KHDRBS2: variants seen among roughly 807,000 people sequenced by gnomAD.
KHDRBS2 encodes KH domain-containing, RNA-binding, signal transduction-associated protein 2.
In KHDRBS2, 26 loss-of-function variants were observed where a neutral mutation model predicts 44.3. The observed-to-expected ratio is 0.59, with a 90% CI of 0.43 to 0.81. The LOEUF (loss-of-function observed/expected upper bound fraction) is 0.81, where lower values mean the gene tolerates loss of function less well. Among genes scored for constraint, KHDRBS2 ranks in the 40% least tolerant of loss-of-function variants. The pLI is 0.00. For synonymous variants in KHDRBS2, 194 were observed against 151.1 expected (o/e 1.28, Z -2.08); for missense variants, 476 against 433.1 (o/e 1.10, Z -0.88).
chr6:61,604,890 C>T, the KHDRBS2 span, among the ~76,000 whole-genome samples: 1 of 152,130 alleles, frequency 6.6e-6, no homozygotes, highest in Non-Finnish European at 1.5e-5. Flanking sequence ...TCTGGCCTGG[C>T]CTTCCCACCT....
chr6:62,045,306 G>A (rs1213303291), intron 3 of KHDRBS2, among the ~76,000 whole-genome samples: 1 of 151,924 alleles, frequency 6.6e-6, no homozygotes, highest in Non-Finnish European at 1.5e-5. Flanking sequence ...TTTAGATATA[G>A]CTATGGTTAT....
Position 62,100,992 on chromosome 6 carries a change from T to C in KHDRBS2, c.220-52998A>G, listed in dbSNP as rs534447603. On this transcript the variant is annotated intron_variant, in intron 2 of 8. Coordinates refer to ENST00000281156, the MANE Select transcript of KHDRBS2 (RefSeq NM_152688.4). ...AACACTCAGAGCAGTCCTCCAATAG[T>C]TTTACAGGCAGAAAATCTATCTCTA... Among the ~76,000 whole-genome samples, 13 of 152,276 alleles carry C rather than the reference T, an allele frequency of 8.5e-5. No homozygotes were observed. In the South Asian group the frequency reaches 2.5e-3, roughly 29 times the overall value.
At chr6:62,236,094 C>A (rs1397235768) in intron 1 of KHDRBS2, among the ~76,000 whole-genome samples, 1 of 152,016 alleles carries the variant, frequency 6.6e-6, no homozygotes, top group East Asian at 1.9e-4. Flanking sequence ...AAATAATTTT[C>A]TTGATTGCTA....
Position 61,946,257 on chromosome 6 carries a change from G to A in KHDRBS2, c.483+31809C>T, listed in dbSNP as rs187088830. 1.4e-3 allele frequency among the ~76,000 whole-genome samples: 206 copies of A among 152,184 alleles called. 1 individual carries two copies. The highest frequency in any genetic ancestry group is 4.7e-3 in the African/African-American group (194 of 41,520). On this transcript the variant is annotated intron_variant, in intron 4 of 8. Transcript: ENST00000281156. ...GGTCCACAATGAATTAATCACTCAG[G>A]TTACATTCTTTTAGCAATATCATAA... is the stretch of plus-strand genomic sequence containing the variant.
At chr6:61,983,702 AT>A (rs1243151801) in intron 3 of KHDRBS2, among the ~76,000 whole-genome samples, 1 of 152,188 alleles carries the variant, frequency 6.6e-6, no homozygotes, top group Admixed American at 6.5e-5. Flanking sequence ...GTCAGTTATC[AT>A]TATTGCTTCA....
chr6:61,893,837 A>G (rs1480905788), intron 6 of KHDRBS2, among the ~76,000 whole-genome samples: 1 of 152,236 alleles, frequency 6.6e-6, no homozygotes, highest in East Asian at 1.9e-4. Flanking sequence ...AACATGGCAT[A>G]TGTAAACATA....
At chr6:62,112,907 A>C (rs1443649463) in intron 2 of KHDRBS2, among the ~76,000 whole-genome samples, 1 of 152,142 alleles carries the variant, frequency 6.6e-6, no homozygotes, top group African/African-American at 2.4e-5. Flanking sequence ...AAAAACTAAA[A>C]TACACGCCAA....
intron 2 of KHDRBS2, among the ~76,000 whole-genome samples, chr6:62,069,327 T>C (rs1009171511): frequency 6.6e-6 from 1 of 151,758 alleles, no homozygotes; most frequent in Admixed American, 6.6e-5. Context: ...GAAAATATAT[T>C]TGTAGTATTT....
chr6:61,749,861 A>G (rs1228768446), intron 6 of KHDRBS2, among the ~76,000 whole-genome samples: 3 of 152,156 alleles, frequency 2.0e-5, no homozygotes, highest in Admixed American at 6.5e-5. Context: ...AAAAGGGAAA[A>G]AATCAGATCC....
intron 2 of KHDRBS2, among the ~76,000 whole-genome samples, chr6:62,060,844 T>C (rs1791652241): frequency 6.6e-6 from 1 of 151,876 alleles, no homozygotes; most frequent in Admixed American, 6.6e-5. Context: ...TCAAATCTGT[T>C]GATTAGATAT....
At chr6:62,048,355 A>G (rs1788210466) in intron 2 of KHDRBS2, among the ~76,000 whole-genome samples, 1 of 151,930 alleles carries the variant, frequency 6.6e-6, no homozygotes, top group South Asian at 2.1e-4. Context: ...CTCAAACTAT[A>G]TTATTGAAAT....
chr6:62,100,391 T>G (rs1456727443), intron 2 of KHDRBS2, among the ~76,000 whole-genome samples: 1 of 152,212 alleles, frequency 6.6e-6, no homozygotes, highest in Non-Finnish European at 1.5e-5. Context: ...TACATAAATT[T>G]AGTTGATAAA....
At chr6:62,229,460 T>C (rs1356468650) in intron 1 of KHDRBS2, among the ~76,000 whole-genome samples, 5 of 152,290 alleles carry the variant, frequency 3.3e-5, no homozygotes, top group Middle Eastern at 3.4e-3. Flanking sequence ...AGTCCCAGTG[T>C]TGGACATTGC....
downstream of KHDRBS2, among the ~76,000 whole-genome samples, chr6:61,679,665 G>A (rs1022822929): frequency 2.0e-5 from 3 of 152,066 alleles, no homozygotes; most frequent in African/African-American, 7.2e-5. Flanking sequence ...AGGTTGAATA[G>A]CAACAACTGG....
chr6:62,201,456 C>T (rs1826971789), intron 1 of KHDRBS2, among the ~76,000 whole-genome samples: 1 of 151,972 alleles, frequency 6.6e-6, no homozygotes, highest in African/African-American at 2.4e-5. Context: ...TATTTTATGA[C>T]TGTGCATAAA....
intron 6 of KHDRBS2, among the ~76,000 whole-genome samples, chr6:61,858,426 T>G (rs1796453561): frequency 6.6e-6 from 1 of 151,908 alleles, no homozygotes; most frequent in Non-Finnish European, 1.5e-5. Flanking sequence ...ATATTAGTTT[T>G]TTTCTGTATA....
intron 4 of KHDRBS2, among the ~76,000 whole-genome samples, chr6:61,977,657 A>G (rs1404792537): frequency 3.3e-5 from 5 of 152,020 alleles, no homozygotes; most frequent in Non-Finnish European, 1.5e-5. Context: ...TCAAATTATT[A>G]CATATCTGAT....
intron 6 of KHDRBS2, among the ~76,000 whole-genome samples, chr6:61,846,034 C>T (rs1220667440): frequency 6.6e-6 from 1 of 152,142 alleles, no homozygotes; most frequent in African/African-American, 2.4e-5. Flanking sequence ...TCTCTCTCTC[C>T]TCTTTTGCTC....
chr6:61,654,814 G>A, the KHDRBS2 span, among the ~76,000 whole-genome samples: 2 of 151,708 alleles, frequency 1.3e-5, no homozygotes, highest in African/African-American at 4.8e-5. Context: ...CTGGGAACTG[G>A]AACTGTGGCA....
Sources: allele counts gnomAD v4.1 joint callset (sites outside exome capture counted in the v4.1 genomes callset), GRCh38; gene constraint gnomAD v4.1.1; transcripts MANE v1.5; gene names NCBI Gene and HGNC (gene_info 2026-07-23, HGNC 2026-07-21).